The following ZNF490 variants were observed in gnomAD, a reference collection of about 807,000 sequenced individuals.
The protein encoded by ZNF490 is zinc finger protein 490.
A neutral mutation model predicts 17.7 loss-of-function variants in ZNF490; 11 were observed. The observed-to-expected ratio is 0.62, with a 90% CI of 0.39 to 1.03. ZNF490 has a LOEUF of 1.03. ZNF490 is among the 50% of genes least tolerant of loss of function. The pLI is 0.00. For synonymous variants in ZNF490, 222 were observed against 216.1 expected (o/e 1.03, Z -0.24); for missense variants, 542 against 643.4 (o/e 0.84, Z 1.71).
At chr19:12,602,814 C>T (rs1319287388) in intron 2 of ZNF490, among the ~76,000 whole-genome samples, 2 of 151,638 alleles carry the variant, frequency 1.3e-5, no homozygotes, top group Non-Finnish European at 2.9e-5. Flanking sequence ...TTAGTAGAAA[C>T]AAGGTTTCGC....
intron 2 of ZNF490, among the ~76,000 whole-genome samples, chr19:12,599,228 TA>T (rs1337748572): frequency 6.6e-6 from 1 of 151,050 alleles, no homozygotes; most frequent in Non-Finnish European, 1.5e-5. Flanking sequence ...TATTTTTGGT[TA>T]AAAAAAGCAT....
intron 2 of ZNF490, among the ~76,000 whole-genome samples, chr19:12,603,650 G>T (rs1217180721): frequency 6.6e-6 from 1 of 152,024 alleles, no homozygotes; most frequent in African/African-American, 2.4e-5. Context: ...AAAATAGCCA[G>T]ATGTGGTGGC....
intron 2 of ZNF490, among the ~76,000 whole-genome samples, chr19:12,602,218 T>A (rs1165786003): frequency 1.3e-5 from 2 of 151,692 alleles, no homozygotes; most frequent in Non-Finnish European, 2.9e-5. Context: ...ATTTTGCTGC[T>A]ACTGGAGACT....
intron 2 of ZNF490, among the ~76,000 whole-genome samples, chr19:12,603,625 T>C (rs955952657): frequency 4.6e-5 from 7 of 151,960 alleles, no homozygotes; most frequent in African/African-American, 1.5e-4. Context: ...AACCCATCTC[T>C]ACTAAAAATA....
At position 12,580,821 on chromosome 19, in the gene ZNF490, G is replaced by A. The variant is rs562509194; in HGVS notation, c.1254C>T (p.Tyr418=). ...HERVHTGEKT[Y]ECKECGKAFL... is the part of the protein sequence containing the mutation. ...AGGCTTTACCACATTCTTTACATTC[G>A]TAAGTTTTCTCGCCAGTGTGAACTC... The change falls in exon 5 of 5, where the codon TAC becomes TAT. Residue 418 remains tyrosine (Y), a synonymous_variant. Transcript: ENST00000311437. The A allele has an allele frequency of 2.1e-5, 34 of 1,614,058 alleles. No individual in the cohort carries two copies. The highest frequency in any genetic ancestry group is 9.9e-5 in the South Asian group (9 of 91,076).
chr19:12,591,921 C>G (rs2022877327), intron 2 of ZNF490, among the ~76,000 whole-genome samples: 1 of 151,982 alleles, frequency 6.6e-6, no homozygotes, highest in African/African-American at 2.4e-5. Context: ...TATGTTCATG[C>G]CAAAACCTGC....
Position 12,610,665 on chromosome 19 carries a change from T to C in ZNF490, c.16A>G (p.Ser6Gly), listed in dbSNP as rs945957020. 5.0e-6 allele frequency: 8 copies of C among 1,613,718 alleles called. No homozygotes were observed. The highest frequency in any genetic ancestry group is 3.3e-5 in the Admixed American group (2 of 59,950). The part of the protein sequence containing the change: MRRNS[S>G]LSFQMERPLE... ...GGTCGCTCCATCTGGAAACTGAGAC[T>C]GGAATTCCTGCGCATCCCTGTCCCC... is the stretch of plus-strand genomic sequence containing the variant. The change falls in exon 1 of 5, where the codon AGT (serine) becomes GGT (glycine). Residue 6 changes from serine (S) to glycine (G), a missense_variant. Transcript: ENST00000311437.
intron 2 of ZNF490, among the ~76,000 whole-genome samples, chr19:12,603,299 CAACA>C (rs1164284958): frequency 2.0e-5 from 3 of 151,910 alleles, no homozygotes; most frequent in African/African-American, 7.3e-5. Flanking sequence ...CCAGCCTGGG[CAACA>C]CAGTGAGATC....
In ZNF490 at chr19:12,580,557, T is replaced by C; in HGVS notation, c.1518A>G (p.Gln506=). The change falls in exon 5 of 5, where the codon CAA becomes CAG. Residue 506 remains glutamine, a synonymous_variant. Transcript: ENST00000311437. The part of the protein sequence containing the change: ...HTGERPFQCR[Q]CGKAFSYSKS... ...TTGAGTAACTGAAGGCTTTACCACA[T>C]TGTCTACACTGAAAGGGTCTTTCTC... The C allele has an allele frequency of 6.2e-7, 1 of 1,614,050 alleles. No individual in the cohort carries two copies. The highest frequency in any genetic ancestry group is 1.1e-5 in the South Asian group (1 of 91,074).
intron 2 of ZNF490, among the ~76,000 whole-genome samples, chr19:12,596,264 C>CAAAAAAAAAAAA (rs74180082): frequency 2.1e-5 from 2 of 93,168 alleles, no homozygotes; most frequent in Non-Finnish European, 2.1e-5. Context: ...GACTCCGTCT[C>CAAAAAAAAAAAA]AAAAAAAAAA....
At chr19:12,592,893 C>T (rs564001052) in intron 2 of ZNF490, among the ~76,000 whole-genome samples, 7 of 152,256 alleles carry the variant, frequency 4.6e-5, no homozygotes, top group South Asian at 4.1e-4. Flanking sequence ...AAAAGAAAAA[C>T]GATGAGGACA....
At position 12,577,860 on chromosome 19, in the gene ZNF490, A is replaced by G. The variant is rs1251376573; in HGVS notation, c.*2625T>C. ...CTCAATGCTGCCACCTCCCTTCTAA[A>G]ACACACTGACTTGCTAAGAAAAGGG... On this transcript the variant is annotated 3_prime_UTR_variant, in exon 5 of 5. Transcript: ENST00000311437. 6.1e-6 allele frequency: 6 copies of G among 985,254 alleles called. No individual in the cohort carries two copies. The highest frequency in any genetic ancestry group is 5.2e-4 in the Middle Eastern group (1 of 1,936). The allele number at this position is 985,254 out of a possible 1,614,324, so 61.0% of individuals were successfully genotyped here.
At chr19:12,605,013 C>T (rs895128562) in intron 2 of ZNF490, among the ~76,000 whole-genome samples, 5 of 151,588 alleles carry the variant, frequency 3.3e-5, no homozygotes, top group Non-Finnish European at 5.9e-5. Flanking sequence ...AATAGCTGGG[C>T]GTGGTGGAGG....
At chr19:12,597,250 AGGCTGGGAC>A in intron 2 of ZNF490, 1 of 452,868 alleles carries the variant, frequency 2.2e-6, no homozygotes, top group Non-Finnish European at 4.5e-6. Context: ...AGACAGTCCG[AGGCTGGGAC>A]GCAATCCTAG....
At chr19:12,590,553 C>G (rs1240663147) in intron 2 of ZNF490, among the ~76,000 whole-genome samples, 2 of 151,966 alleles carry the variant, frequency 1.3e-5, no homozygotes, top group Non-Finnish European at 2.9e-5. Flanking sequence ...TATTGTACAA[C>G]AGTGAAACTA....
chr19:12,602,585 A>G (rs965614495), intron 2 of ZNF490, among the ~76,000 whole-genome samples: 1 of 151,640 alleles, frequency 6.6e-6, no homozygotes, highest in Admixed American at 6.6e-5. Context: ...CCTAGAGGGT[A>G]ATGGTCATCT....
rs1316138935 is a variant in ZNF490 at position 12,584,363 on chromosome 19, A to C, written c.163-807T>G. Among the ~76,000 whole-genome samples, 2 of 88,884 alleles carry C rather than the reference A, an allele frequency of 2.3e-5. 1 individual carries two copies. The highest frequency in any genetic ancestry group is 6.0e-5 in the Non-Finnish European group (2 of 33,548). The allele number at this position is 88,884 out of a possible 152,430, so 58.3% of individuals were successfully genotyped here. A position where few individuals can be genotyped will look rare whatever the true frequency, so the allele number is the denominator to read the frequency against. On this transcript the variant is annotated intron_variant, in intron 2 of 4. Coordinates refer to ENST00000311437, the MANE Select transcript of ZNF490 (RefSeq NM_020714.3). ...AGTAGAGACGGGGTTTCACCATGTT[A>C]GCCAGGATGGTCTTGATCTCCTGAC...
rs1285057901 is a variant in ZNF490, at chr19:12,576,565, A to G, written c.*3920T>C. Among the ~76,000 whole-genome samples, 2 of 151,874 alleles carry G rather than the reference A, an allele frequency of 1.3e-5. No homozygotes were observed. The highest frequency in any genetic ancestry group is 2.9e-5 in the Non-Finnish European group (2 of 67,986). ...CAGAGTGGCTCACGCCTGTAATCCC[A>G]GCACTTTGGGGAGACCGAGGTGGGT... On this transcript the variant is annotated 3_prime_UTR_variant, in exon 5 of 5. Coordinates refer to ENST00000311437, the MANE Select transcript of ZNF490 (RefSeq NM_020714.3).
intron 2 of ZNF490, among the ~76,000 whole-genome samples, chr19:12,605,138 T>C (rs2023052805): frequency 6.6e-6 from 1 of 150,684 alleles, no homozygotes; most frequent in South Asian, 2.1e-4. Flanking sequence ...GGCAACAGAG[T>C]GAGACCCTGT....
Sources: gnomAD v4.1 joint callset for allele counts (sites outside exome capture counted in the v4.1 genomes callset) on GRCh38, gnomAD v4.1.1 for gene constraint, MANE v1.5 for transcripts, NCBI Gene and HGNC (gene_info 2026-07-23, HGNC 2026-07-21) for gene names.